The following AGTPBP1 variants were observed in gnomAD, a reference collection of about 807,000 sequenced individuals.
The protein encoded by AGTPBP1 is cytosolic carboxypeptidase 1.
AGTPBP1 carries 70 observed loss-of-function variants against 143.9 expected under a neutral mutation model. The observed-to-expected ratio is 0.49, with a 90% CI of 0.40 to 0.59. The LOEUF is 0.59. Among genes scored for constraint, AGTPBP1 ranks in the 20% least tolerant of loss-of-function variants. The probability of loss-of-function intolerance (pLI) is 0.00; values close to 1 mark genes in which losing one functional copy is unlikely to be tolerated. For missense variants in AGTPBP1, 1,229 were observed against 1,464.5 expected, an observed-to-expected ratio of 0.84 and a Z score of 2.62; for synonymous variants, 463 against 500.2, an observed-to-expected ratio of 0.93 and a Z score of 0.99.
chr9:85,734,782 G>A (rs996109755), intron 1 of AGTPBP1, among the ~76,000 whole-genome samples: 2 of 152,096 alleles, frequency 1.3e-5, no homozygotes, highest in African/African-American at 4.8e-5. Flanking sequence ...CTGAAAGCAA[G>A]GTCTTCCATG....
intron 17 of AGTPBP1, among the ~76,000 whole-genome samples, chr9:85,599,985 C>T (rs1235077820): frequency 6.6e-6 from 1 of 152,204 alleles, no homozygotes; most frequent in Non-Finnish European, 1.5e-5. Context: ...CCACTCTATG[C>T]CCCCATTTTC....
At chr9:85,746,380 A>AC (rs980788372), upstream of AGTPBP1, among the ~76,000 whole-genome samples, 10 of 152,064 alleles carry the variant, frequency 6.6e-5, no homozygotes, top group African/African-American at 2.4e-4. Context: ...CAGGGTATAT[A>AC]CCCCAGACAG....
intron 11 of AGTPBP1, among the ~76,000 whole-genome samples, chr9:85,654,399 A>G (rs1172364619): frequency 6.6e-6 from 1 of 152,180 alleles, no homozygotes; most frequent in Non-Finnish European, 1.5e-5. Context: ...AGTCATGTGA[A>G]AGTTTTTGTT....
Position 85,699,602 on chromosome 9 carries a change from CAA to C in AGTPBP1, c.33-6791_33-6790del, listed in dbSNP as rs33990890. On this transcript the variant is annotated intron_variant, in intron 2 of 25. Coordinates refer to ENST00000357081, the MANE Select transcript of AGTPBP1 (RefSeq NM_001330701.2). ...TACGGTAAAAAAAAATAATAAACAG[CAA>C]AAAAAAAAACCATAAAAACATACAA... is the stretch of plus-strand genomic sequence containing the variant. Among the ~76,000 whole-genome samples the C allele has an allele frequency of 1.2e-4, 17 of 143,774 alleles. No individual in the cohort carries two copies. The South Asian group carries it at 2.8e-3, about 24-fold the overall frequency. The allele number at this position is 143,774 out of a possible 152,430, so 94.3% of individuals were successfully genotyped here.
At chr9:85,697,445 G>GTTTTTTTTTTTTTTTTTTTTTTTT (rs758082233) in intron 2 of AGTPBP1, among the ~76,000 whole-genome samples, 1 of 65,072 alleles carries the variant, frequency 1.5e-5, no homozygotes, top group Non-Finnish European at 2.7e-5. Flanking sequence ...TTTGTTTTTT[G>GTTTTTTTTTTTTTTTTTTTTTTTT]TTTTTTTTTT....
chr9:85,596,629 T>C lies in AGTPBP1; in HGVS notation c.2336-180A>G, dbSNP rs565952973. Among the ~76,000 whole-genome samples, 6 of 152,342 alleles carry C rather than the reference T, an allele frequency of 3.9e-5. No individual in the cohort carries two copies. In the East Asian group the frequency reaches 1.2e-3, roughly 29 times the overall value. The stretch of plus-strand genomic sequence containing the variant: ...TTAAACATCCCAAGTCAATCAATGA[T>C]ATGCTTTTATTTTTTAGTTTAATAC... On this transcript the variant is annotated intron_variant, in intron 17 of 25. Transcript: ENST00000357081.
chr9:85,791,554 CA>C, the AGTPBP1 span: 4 of 151,940 alleles, frequency 2.6e-5, no homozygotes, highest in Admixed American at 1.3e-4. Flanking sequence ...GGGAGGGAGA[CA>C]GGGGGGAAAG....
Position 85,671,667 on chromosome 9 carries a change from A to C in AGTPBP1, c.568+883T>G, listed in dbSNP as rs192179250. Among the ~76,000 whole-genome samples the C allele has an allele frequency of 4.2e-4, 64 of 152,110 alleles. 1 individual carries two copies. The East Asian group carries it at 0.012, about 27-fold the overall frequency. ...CTTAGGTTCTTTCATTAACCACTTCAATTCTGCAATCAGAGAATAGAAAAA... is the reference window on the plus strand; with the variant it reads ...CTTAGGTTCTTTCATTAACCACTTCCATTCTGCAATCAGAGAATAGAAAAA... On this transcript the variant is annotated intron_variant, in intron 7 of 25. Transcript: ENST00000357081.
chr9:85,756,267 A>G, the AGTPBP1 span: 1 of 1,557,772 alleles, frequency 6.4e-7, no homozygotes, highest in South Asian at 1.2e-5. Flanking sequence ...TGTTTAATAC[A>G]CTACTTGATT....
At chr9:85,581,994 C>T (rs1287817374) in intron 23 of AGTPBP1, among the ~76,000 whole-genome samples, 1 of 152,196 alleles carries the variant, frequency 6.6e-6, no homozygotes, top group Admixed American at 6.5e-5. Context: ...TAAAACACTT[C>T]TAGTCCCAAG....
intron 23 of AGTPBP1, among the ~76,000 whole-genome samples, chr9:85,580,223 G>T (rs1828166091): frequency 6.8e-6 from 1 of 146,998 alleles, no homozygotes. Context: ...GGCAACAAGG[G>T]TGAAACTCCA....
chr9:85,734,896 C>T (rs1839137535), intron 1 of AGTPBP1, among the ~76,000 whole-genome samples: 1 of 152,020 alleles, frequency 6.6e-6, no homozygotes, highest in Non-Finnish European at 1.5e-5. Context: ...ATTAGCCAGG[C>T]ATGGTGACAC....
At position 85,734,562 on chromosome 9, in the gene AGTPBP1, G is replaced by A. The variant is rs552446695; in HGVS notation, c.-34+7213C>T. 4.0e-4 allele frequency among the ~76,000 whole-genome samples: 61 copies of A among 152,284 alleles called. 2 individuals carry two copies. In the South Asian group the frequency reaches 0.01, roughly 26 times the overall value. On this transcript the variant is annotated intron_variant, in intron 1 of 25. Coordinates refer to ENST00000357081, the MANE Select transcript of AGTPBP1 (RefSeq NM_001330701.2). ...AATCAAAACTACAAGATATCACTTC[G>A]TAGCTATTAGGATGGCTGCTACCAA...
intron 25 of AGTPBP1, among the ~76,000 whole-genome samples, chr9:85,563,194 C>T (rs1323527480): frequency 1.3e-5 from 2 of 152,114 alleles, no homozygotes; most frequent in African/African-American, 4.8e-5. Context: ...ACTGGGGGTG[C>T]TATTGTAACA....
In AGTPBP1 at chr9:85,677,591, T is replaced by C; in HGVS notation, c.290-9A>G. On this transcript the variant is annotated splice_polypyrimidine_tract_variant and intron_variant, in intron 5 of 25. Transcript: ENST00000357081. ...CACTCTTCGACCTCCACCTAAAAATTAAAAAAAAAAAAAATTTAAACAACA... is the reference window on the plus strand; with the variant it reads ...CACTCTTCGACCTCCACCTAAAAATCAAAAAAAAAAAAAATTTAAACAACA... The C allele has an allele frequency of 8.6e-7, 1 of 1,166,566 alleles. No homozygotes were observed. Among genetic ancestry groups the C allele is most frequent in the Non-Finnish European group, 1.1e-6 (1 of 872,358 alleles). The allele number at this position is 1,166,566 out of a possible 1,614,324, so 72.3% of individuals were successfully genotyped here.
At chr9:85,750,210 C>T in the AGTPBP1 span, among the ~76,000 whole-genome samples, 1 of 152,148 alleles carries the variant, frequency 6.6e-6, no homozygotes, top group Non-Finnish European at 1.5e-5. Flanking sequence ...AGTAGAGAGT[C>T]AACTCCAAGT....
At chr9:85,592,517 C>G (rs1829036071) in intron 19 of AGTPBP1, 43 bp downstream of exon 19, 1 of 1,408,526 alleles carries the variant, frequency 7.1e-7, no homozygotes, top group Admixed American at 2.5e-5. Context: ...CTTCCATTAT[C>G]TTATACATAT....
At chr9:85,779,938 T>G in the AGTPBP1 span, among the ~76,000 whole-genome samples, 3 of 152,216 alleles carry the variant, frequency 2.0e-5, no homozygotes, top group African/African-American at 4.8e-5. Context: ...ATTTTCTAAT[T>G]TCAACTGAAT....
chr9:85,764,633 T>C, the AGTPBP1 span: 1 of 609,802 alleles, frequency 1.6e-6, no homozygotes, highest in Non-Finnish European at 3.0e-6. Context: ...ATTTTCTCTA[T>C]GTTTTTCCTA....
Sources: allele counts gnomAD v4.1 joint callset (sites outside exome capture counted in the v4.1 genomes callset), GRCh38; gene constraint gnomAD v4.1.1; transcripts MANE v1.5; gene names NCBI Gene and HGNC (gene_info 2026-07-23, HGNC 2026-07-21).